Variants in BIRC6 observed in about 807,000 individuals in gnomAD.
BIRC6 encodes the protein baculoviral IAP repeat containing 6.
A neutral mutation model predicts 503.3 loss-of-function variants in BIRC6; 98 were observed. That is an observed-to-expected ratio of 0.19 (90% CI 0.17 to 0.23). BIRC6 has a LOEUF of 0.23. BIRC6 is among the 10% of genes least tolerant of loss of function. The pLI is 1.00. For missense variants in BIRC6, 5,360 were observed against 5,806.0 expected, an observed-to-expected ratio of 0.92 and a Z score of 2.50; for synonymous variants, 2,240 against 2,078.7, an observed-to-expected ratio of 1.08 and a Z score of -2.11.
At chr2:32,373,286 C>A (rs1358285467) in intron 1 of BIRC6, among the ~76,000 whole-genome samples, 1 of 151,822 alleles carries the variant, frequency 6.6e-6, no homozygotes, top group Non-Finnish European at 1.5e-5. Context: ...AATAGTTCAA[C>A]ATAATCTTGA....
At chr2:32,590,379 T>G (rs1019202572) in intron 66 of BIRC6, among the ~76,000 whole-genome samples, 14 of 152,232 alleles carry the variant, frequency 9.2e-5, no homozygotes, top group Non-Finnish European at 1.8e-4. Flanking sequence ...ATGGCTCTCC[T>G]TTTTTAAATG....
intron 61 of BIRC6, among the ~76,000 whole-genome samples, chr2:32,541,727 A>G (rs1261634628): frequency 4.6e-5 from 7 of 152,146 alleles, no homozygotes; most frequent in East Asian, 1.9e-4. Flanking sequence ...TCTAAATGCA[A>G]TGAGAAGTTT....
At chr2:32,434,922 A>T (rs768459671) in intron 13 of BIRC6, among the ~76,000 whole-genome samples, 1 of 152,232 alleles carries the variant, frequency 6.6e-6, no homozygotes, top group Non-Finnish European at 1.5e-5. Flanking sequence ...TAAACTAAAG[A>T]TGATTAAAAG....
intron 51 of BIRC6, among the ~76,000 whole-genome samples, chr2:32,509,091 T>C (rs1044271612): frequency 1.3e-5 from 2 of 151,918 alleles, no homozygotes; most frequent in Admixed American, 6.6e-5. Context: ...ATTTAGGATT[T>C]CTATTTTCAA....
chr2:32,459,050 C>A (rs878974980), intron 23 of BIRC6, among the ~76,000 whole-genome samples: 1 of 152,040 alleles, frequency 6.6e-6, no homozygotes, highest in Non-Finnish European at 1.5e-5. Context: ...AATCTACCAA[C>A]GTTCTTTTTA....
At position 32,510,583 on chromosome 2, in the gene BIRC6, T is replaced by C. The variant is rs1318856774; in HGVS notation, c.10295T>C (p.Ile3432Thr). The C allele has an allele frequency of 4.3e-6, 7 of 1,610,426 alleles. No individual in the cohort carries two copies. The highest frequency in any genetic ancestry group is 1.1e-5 in the South Asian group (1 of 91,008). ...AATGGACTCTCTTCTGACTCTACGA[T>C]AGATATTCTTTACCAGCTTGGAACA... Reference protein sequence around the residue: ...RLNGLSSDSTIDILYQLGTTQ... With the variant: ...RLNGLSSDSTTDILYQLGTTQ... The change falls in exon 53 of 74, where the codon ATA (isoleucine) becomes ACA (threonine). Residue 3432 changes from isoleucine (I) to threonine (T), a missense_variant. Physicochemically the swap from Ile to Thr is moderately conservative, Grantham distance 89 (BLOSUM62 -1). Coordinates refer to ENST00000421745, the MANE Select transcript of BIRC6 (RefSeq NM_016252.4).
intron 50 of BIRC6, 96 bp downstream of exon 50, chr2:32,505,301 T>C: frequency 1.0e-6 from 1 of 1,000,484 alleles, no homozygotes; most frequent in Admixed American, 2.2e-5. Context: ...TACACTTAGG[T>C]GTGATTACCA....
At chr2:32,471,616 G>C (rs1008095044) in intron 32 of BIRC6, among the ~76,000 whole-genome samples, 1 of 152,036 alleles carries the variant, frequency 6.6e-6, no homozygotes, top group Non-Finnish European at 1.5e-5. Flanking sequence ...AAAAATTAAA[G>C]GAAATCAACC....
intron 6 of BIRC6, 131 bp downstream of exon 6, chr2:32,395,724 A>G: frequency 1.4e-6 from 1 of 696,564 alleles, no homozygotes; most frequent in East Asian, 2.6e-5. Flanking sequence ...TGTCCTGAGA[A>G]TGAGCTAGCC....
intron 66 of BIRC6, among the ~76,000 whole-genome samples, chr2:32,584,067 C>T (rs2060869531): frequency 1.3e-5 from 2 of 152,092 alleles, no homozygotes; most frequent in South Asian, 4.1e-4. Flanking sequence ...CTAATATCAT[C>T]TGTCACTTAA....
chr2:32,373,622 C>T (rs775768995), intron 1 of BIRC6, among the ~76,000 whole-genome samples: 2 of 152,208 alleles, frequency 1.3e-5, no homozygotes, highest in South Asian at 2.1e-4. Flanking sequence ...AATTGGCACT[C>T]TTGTGCACTG....
At chr2:32,497,962 T>G (rs1043921456) in intron 45 of BIRC6, among the ~76,000 whole-genome samples, 1 of 152,244 alleles carries the variant, frequency 6.6e-6, no homozygotes, top group African/African-American at 2.4e-5. Flanking sequence ...TCTATTTATT[T>G]CATCTATTTT....
intron 32 of BIRC6, 97 bp from the exon 33 acceptor site, chr2:32,473,015 A>G (rs2149033258): frequency 9.9e-7 from 1 of 1,009,564 alleles, no homozygotes; most frequent in Non-Finnish European, 1.4e-6. Context: ...TTCATGATTG[A>G]CACATGTATA....
intron 57 of BIRC6, among the ~76,000 whole-genome samples, chr2:32,520,260 T>A (rs1486006290): frequency 6.6e-6 from 1 of 152,220 alleles, no homozygotes; most frequent in African/African-American, 2.4e-5. Flanking sequence ...GATATAATCA[T>A]TATAGGTAGG....
chr2:32,441,271 G>GTTA (rs2045403592), intron 16 of BIRC6, 58 bp from the exon 17 acceptor site: 1 of 1,232,236 alleles, frequency 8.1e-7, no homozygotes. Flanking sequence ...AACTTCAATG[G>GTTA]TAAATGATTT....
At chr2:32,370,750 G>A (rs905586500) in intron 1 of BIRC6, among the ~76,000 whole-genome samples, 12 of 152,094 alleles carry the variant, frequency 7.9e-5, no homozygotes, top group African/African-American at 2.9e-4. Context: ...TTGGGTTACA[G>A]GAGATGTTCT....
At chr2:32,557,165 G>A (rs1395334215) in intron 65 of BIRC6, 1 of 152,038 alleles carries the variant, frequency 6.6e-6, no homozygotes, top group African/African-American at 2.4e-5. Context: ...TTTCTTTGGA[G>A]TTACTAAAAT....
chr2:32,599,976 T>C, intron 70 of BIRC6, 76 bp downstream of exon 70: 1 of 1,438,698 alleles, frequency 7.0e-7, no homozygotes, highest in Non-Finnish European at 9.4e-7. Flanking sequence ...AAGAAAAATT[T>C]TGTTTTAGTT....
In BIRC6 at chr2:32,420,699, A is replaced by G. The variant is rs536058019; in HGVS notation, c.2872+4536A>G. 7.2e-5 allele frequency among the ~76,000 whole-genome samples: 11 copies of G among 151,996 alleles called. No homozygotes were observed. In the East Asian group the frequency reaches 2.1e-3, roughly 29 times the overall value. On this transcript the variant is annotated intron_variant, in intron 10 of 73. Transcript: ENST00000421745. ...GTTAATTTTTGTATTTTTAGTAGAGATGAGGTTTTACTCTGTTGGCTAGGC... is the reference window on the plus strand; with the variant it reads ...GTTAATTTTTGTATTTTTAGTAGAGGTGAGGTTTTACTCTGTTGGCTAGGC...
Sources: allele counts gnomAD v4.1 joint callset (sites outside exome capture counted in the v4.1 genomes callset), GRCh38; gene constraint gnomAD v4.1.1; transcripts MANE v1.5; gene names NCBI Gene and HGNC (gene_info 2026-07-23, HGNC 2026-07-21).